Variants in SKP2 observed in about 807,000 individuals in gnomAD.
SKP2 encodes S-phase kinase-associated protein 2.
Under a neutral mutation model 51.8 loss-of-function variants are expected in SKP2, and 16 were observed. The ratio of observed to expected loss-of-function variants is 0.31; its 90% CI spans 0.21 to 0.47. The LOEUF (loss-of-function observed/expected upper bound fraction) is 0.47. Ranked by LOEUF, SKP2 falls within the 20% of genes least tolerant of loss-of-function variation. The pLI, the probability that SKP2 is intolerant of heterozygous loss-of-function variation, is 1.00. For synonymous variants in SKP2, 176 were observed against 198.6 expected (o/e 0.89, Z 0.96); for missense variants, 377 against 505.3 (o/e 0.75, Z 2.43).
downstream of SKP2, among the ~76,000 whole-genome samples, chr5:36,187,468 T>C (rs1561047028): frequency 6.6e-6 from 1 of 151,714 alleles, no homozygotes; most frequent in Non-Finnish European, 1.5e-5. Flanking sequence ...AACATCTTTA[T>C]TTCTGGCTTC....
At chr5:36,179,743 C>T (rs1317869673) in intron 9 of SKP2, among the ~76,000 whole-genome samples, 1 of 152,100 alleles carries the variant, frequency 6.6e-6, no homozygotes. Context: ...ATTCAATATA[C>T]ATAAGACATT....
intron 9 of SKP2, among the ~76,000 whole-genome samples, chr5:36,178,126 A>T (rs1278846533): frequency 6.6e-6 from 1 of 152,126 alleles, no homozygotes; most frequent in Admixed American, 6.6e-5. Context: ...CCTAATGGCA[A>T]ATGTACATGT....
intron 8 of SKP2, 25 bp downstream of exon 8, chr5:36,177,041 G>C (rs1745656845): frequency 1.3e-6 from 2 of 1,530,358 alleles, no homozygotes; most frequent in African/African-American, 2.8e-5. Context: ...GTTTATTTTA[G>C]ATCAAAAGTT....
In SKP2 at chr5:36,181,946, C is replaced by G. The variant is rs142292411; in HGVS notation, c.1190C>G (p.Ala397Gly). 1.7e-4 allele frequency: 276 copies of G among 1,613,990 alleles called. No individual in the cohort carries two copies. Among genetic ancestry groups the G allele is most frequent in the Admixed American group, 2.7e-4 (16 of 60,008 alleles). The change falls in exon 10 of 10, where the codon GCC (alanine) becomes GGC (glycine). Residue 397 changes from alanine (A) to glycine (G), a missense_variant. Around this residue, in one of 2 missense-constraint regions of SKP2, gnomAD observed 262 missense variants for 389.8 expected, o/e 0.67. Coordinates refer to ENST00000274255, the MANE Select transcript of SKP2 (RefSeq NM_005983.4). Reference sequence around the variant, plus strand: ...AATTGCTCCCATTTCACCACCATTGCCAGGCCAACTATTGGCAACAAAAAG... The same window carrying G: ...AATTGCTCCCATTTCACCACCATTGGCAGGCCAACTATTGGCAACAAAAAG... ...QINCSHFTTI[A>G]RPTIGNKKNQ...
intron 2 of SKP2, among the ~76,000 whole-genome samples, chr5:36,160,772 C>T (rs970156550): frequency 1.3e-5 from 2 of 152,114 alleles, no homozygotes; most frequent in African/African-American, 4.8e-5. Context: ...GAACCTTTGT[C>T]CCCTGCCCAT....
In SKP2 at chr5:36,183,914, A is replaced by G; in HGVS notation, c.*1883A>G. The G allele has an allele frequency of 6.2e-7, 1 of 1,611,582 alleles. No homozygotes were observed. Among genetic ancestry groups the G allele is most frequent in the East Asian group, 2.2e-5 (1 of 44,842 alleles). On this transcript the variant is annotated 3_prime_UTR_variant, in exon 10 of 10. Coordinates refer to ENST00000274255, the MANE Select transcript of SKP2 (RefSeq NM_005983.4). ...TGCCCTCAAACATACAGAACTTCCAAACTCAAGTCCAGCCATAAGCTATTT... is the reference window on the plus strand; with the variant it reads ...TGCCCTCAAACATACAGAACTTCCAGACTCAAGTCCAGCCATAAGCTATTT...
In SKP2 at chr5:36,182,672, T is replaced by C. The variant is rs1355181473; in HGVS notation, c.*641T>C. On this transcript the variant is annotated 3_prime_UTR_variant, in exon 10 of 10. Coordinates refer to ENST00000274255, the MANE Select transcript of SKP2 (RefSeq NM_005983.4). ...AAAACCCAGAGATATAGAATCAATA[T>C]AGGATTTGAAGGCCCAGCAGACAGT... The C allele has an allele frequency of 3.1e-6, 3 of 976,772 alleles. No individual in the cohort carries two copies. Among genetic ancestry groups the C allele is most frequent in the East Asian group, 1.1e-4 (1 of 8,802 alleles). 60.5% of individuals were successfully genotyped at this position (976,772 alleles called of 1,614,324 possible). A position where few individuals can be genotyped will look rare whatever the true frequency, so the allele number is the denominator to read the frequency against.
rs1745820927 is a variant in SKP2, at chr5:36,181,842, A to G, written c.1086A>G (p.Leu362=). The G allele has an allele frequency of 6.2e-7, 1 of 1,613,704 alleles. No individual in the cohort carries two copies. The highest frequency in any genetic ancestry group is 8.5e-7 in the Non-Finnish European group (1 of 1,179,712). ...TLLELGEIPT[L]KTLQVFGIVP... Reference sequence around the variant, plus strand: ...GTGAACTTGGAGAAATTCCCACACTAAAAACACTACAAGTTTTTGGAATCG... The same window carrying G: ...GTGAACTTGGAGAAATTCCCACACTGAAAACACTACAAGTTTTTGGAATCG... Residue 362 remains leucine (L), a synonymous_variant, in exon 10 of 10, where the codon CTA becomes CTG. Coordinates refer to ENST00000274255, the MANE Select transcript of SKP2 (RefSeq NM_005983.4).
downstream of SKP2, among the ~76,000 whole-genome samples, chr5:36,188,007 A>G (rs961634953): frequency 2.6e-5 from 4 of 151,944 alleles, no homozygotes; most frequent in African/African-American, 9.7e-5. Context: ...GTCTCTTTTG[A>G]TCTTTGTTGG....
In SKP2 at chr5:36,177,218, G is replaced by C. The variant is rs761527885; in HGVS notation, c.987G>C (p.Gln329His). 2 of 1,612,146 alleles carry C rather than the reference G, an allele frequency of 1.2e-6. No homozygotes were observed. The highest frequency in any genetic ancestry group is 1.7e-6 in the Non-Finnish European group (2 of 1,178,588). ...DSVMLKNDCFQEFFQLNYLQH... is the reference protein window; with the variant it reads ...DSVMLKNDCFHEFFQLNYLQH... ...TCATGCTAAAGAATGACTGCTTTCAGGAATTTTTCCAGCTCAACTACCTCC... is the reference window on the plus strand; with the variant it reads ...TCATGCTAAAGAATGACTGCTTTCACGAATTTTTCCAGCTCAACTACCTCC... The change falls in exon 9 of 10, where the codon CAG becomes CAC. Residue 329 changes from glutamine (Q) to histidine (H), a missense_variant. Physicochemically the swap from Gln to His is conservative, Grantham distance 24. Coordinates refer to ENST00000274255, the MANE Select transcript of SKP2 (RefSeq NM_005983.4).
intron 6 of SKP2, among the ~76,000 whole-genome samples, chr5:36,191,489 CTT>C (rs1355923127): frequency 6.6e-6 from 1 of 151,374 alleles, no homozygotes; most frequent in East Asian, 1.9e-4. Context: ...ACTGCTGTCA[CTT>C]TACCTGCTCT....
chr5:36,155,992 A>G (rs1365859500), intron 2 of SKP2, among the ~76,000 whole-genome samples: 2 of 152,204 alleles, frequency 1.3e-5, no homozygotes, highest in Non-Finnish European at 2.9e-5. Context: ...TCAGCAAGAA[A>G]GGAGATTCTG....
At chr5:36,187,564 T>C (rs936568031), downstream of SKP2, among the ~76,000 whole-genome samples, 1 of 152,248 alleles carries the variant, frequency 6.6e-6, no homozygotes, top group Non-Finnish European at 1.5e-5. Context: ...TTCTTAATCC[T>C]GAGTTCTAGT....
At position 36,159,537 on chromosome 5, in the gene SKP2, G is replaced by A. The variant is rs78240601; in HGVS notation, c.281-4108G>A. Among the ~76,000 whole-genome samples the A allele has an allele frequency of 5.6e-3, 857 of 152,022 alleles. 3 individuals are homozygous for A. The highest frequency in any genetic ancestry group is 0.02 in the African/African-American group (812 of 41,440). The stretch of plus-strand genomic sequence containing the variant: ...CGTGTAGATGAGATTCCATGCCTGA[G>A]GGCTTTCTCTGGGCAGGAATACTGG... On this transcript the variant is annotated intron_variant, in intron 2 of 9. Transcript: ENST00000274255.
Position 36,181,998 on chromosome 5 carries a change from C to G in SKP2, c.1242C>G (p.Cys414Trp). 1 of 1,614,112 alleles carries G rather than the reference C, an allele frequency of 6.2e-7. No homozygotes were observed. Among genetic ancestry groups the G allele is most frequent in the Non-Finnish European group, 8.5e-7 (1 of 1,179,984 alleles). Residue 414 changes from cysteine (C) to tryptophan (W), a missense_variant, in exon 10 of 10, where the codon TGC (cysteine) becomes TGG (tryptophan). Cys to Trp is a radical substitution (Grantham distance 215). Coordinates refer to ENST00000274255, the MANE Select transcript of SKP2 (RefSeq NM_005983.4). Reference sequence around the variant, plus strand: ...ACCAGGAGATATGGGGCATCAAATGCCGACTGACACTGCAAAAGCCCAGTT... The same window carrying G: ...ACCAGGAGATATGGGGCATCAAATGGCGACTGACACTGCAAAAGCCCAGTT... ...KKNQEIWGIK[C>W]RLTLQKPSCL
intron 7 of SKP2, among the ~76,000 whole-genome samples, chr5:36,174,869 A>G (rs73751608): frequency 0.029 from 4,423 of 152,208 alleles, 232 homozygotes; most frequent in African/African-American, 0.1. Flanking sequence ...ATACCTTGAT[A>G]TGGAACCAAT....
intron 2 of SKP2, among the ~76,000 whole-genome samples, chr5:36,162,157 T>C (rs1745141189): frequency 1.3e-5 from 2 of 152,212 alleles, no homozygotes; most frequent in Non-Finnish European, 2.9e-5. Context: ...CTCAGAATCT[T>C]CTAGTGGTGC....
intron 2 of SKP2, among the ~76,000 whole-genome samples, chr5:36,157,875 A>G (rs1041192248): frequency 2.0e-5 from 3 of 152,240 alleles, no homozygotes; most frequent in South Asian, 4.1e-4. Context: ...TGAGAAATAA[A>G]TATGTCAAGT....
chr5:36,191,836 C>CA (rs546621944), intron 6 of SKP2, among the ~76,000 whole-genome samples: 1 of 152,072 alleles, frequency 6.6e-6, no homozygotes, highest in Non-Finnish European at 1.5e-5. Flanking sequence ...CCCAGAAAAT[C>CA]AAAGTTTTCT....
Sources: allele counts gnomAD v4.1 joint callset (sites outside exome capture counted in the v4.1 genomes callset), GRCh38; gene constraint gnomAD v4.1.1; regional missense constraint gnomAD v4.1.1; transcripts MANE v1.5; gene names NCBI Gene and HGNC (gene_info 2026-07-23, HGNC 2026-07-21).